Variants in GREB1L observed in about 807,000 individuals in gnomAD.
The protein encoded by GREB1L is GREB1-like protein.
A neutral mutation model predicts 200.8 loss-of-function variants in GREB1L; 17 were observed. The observed-to-expected ratio is 0.08, with a 90% CI of 0.06 to 0.13. The LOEUF (loss-of-function observed/expected upper bound fraction) is 0.13. Ranked by LOEUF, GREB1L falls within the 10% of genes least tolerant of loss-of-function variation. The pLI is 1.00. For synonymous variants in GREB1L, 789 were observed against 893.0 expected (o/e 0.88, Z 2.08); for missense variants, 1,657 against 2,367.7 (o/e 0.70, Z 6.23).
chr18:21,512,971 G>A (rs11083182), intron 27 of GREB1L, among the ~76,000 whole-genome samples: 53,724 of 151,866 alleles, frequency 0.35, 11,742 homozygotes, highest in East Asian at 0.5. Flanking sequence ...TTCATTTTAC[G>A]ATGGCCCACT....
intron 1 of GREB1L, among the ~76,000 whole-genome samples, chr18:21,356,771 C>T (rs2039510725): frequency 6.6e-6 from 1 of 152,146 alleles, no homozygotes; most frequent in South Asian, 2.1e-4. Flanking sequence ...AATGGCTGTA[C>T]CAATTTACAT....
At chr18:21,483,522 C>T (rs1218028009) in intron 17 of GREB1L, among the ~76,000 whole-genome samples, 8 of 152,124 alleles carry the variant, frequency 5.3e-5, no homozygotes, top group Non-Finnish European at 8.8e-5. Flanking sequence ...GAACATATTC[C>T]GGTGCTCTCA....
chr18:21,493,171 C>A (rs2036407681), intron 19 of GREB1L, among the ~76,000 whole-genome samples: 1 of 152,186 alleles, frequency 6.6e-6, no homozygotes, highest in African/African-American at 2.4e-5. Flanking sequence ...ATTGTGCCTT[C>A]TATCTCTACT....
At chr18:21,506,048 G>C in intron 25 of GREB1L, 99 bp downstream of exon 25, 1 of 1,245,146 alleles carries the variant, frequency 8.0e-7, no homozygotes, top group Non-Finnish European at 1.1e-6. Context: ...CCTAGTTTCA[G>C]GCCTCTGGTA....
At chr18:21,404,082 G>C (rs2144577236) in intron 7 of GREB1L, 88 bp downstream of exon 7, 1 of 1,159,256 alleles carries the variant, frequency 8.6e-7, no homozygotes, top group Non-Finnish European at 1.2e-6. Context: ...TGGCTGGTTT[G>C]AATAGAGATA....
intron 10 of GREB1L, among the ~76,000 whole-genome samples, chr18:21,443,468 A>G (rs2034026673): frequency 6.6e-6 from 1 of 152,166 alleles, no homozygotes; most frequent in Non-Finnish European, 1.5e-5. Context: ...GGGCCTCCCA[A>G]AGTGCGGGGA....
chr18:21,257,475 A>G (rs2037819358), intron 1 of GREB1L, among the ~76,000 whole-genome samples: 1 of 152,196 alleles, frequency 6.6e-6, no homozygotes, highest in South Asian at 2.1e-4. Context: ...TATTAAATGG[A>G]CCATTTGCAT....
chr18:21,433,577 G>T (rs147567472), intron 7 of GREB1L, among the ~76,000 whole-genome samples: 1 of 152,166 alleles, frequency 6.6e-6, no homozygotes, highest in Admixed American at 6.5e-5. Flanking sequence ...GTGTGCACTG[G>T]GTCCTTCCAG....
intron 17 of GREB1L, among the ~76,000 whole-genome samples, chr18:21,483,026 CAG>C (rs2035983277): frequency 1.3e-5 from 2 of 152,272 alleles, no homozygotes; most frequent in Middle Eastern, 3.4e-3. Flanking sequence ...TTAATGCAAA[CAG>C]AACAGATGGA....
In GREB1L at chr18:21,399,108, A is replaced by G. The variant is rs1299544543; in HGVS notation, c.533-2042A>G. ...CTTTTCACCTCAGAATAGACAGAGG[A>G]AAAGATCAAACTCAACCTCAGTAGT... On this transcript the variant is annotated intron_variant, in intron 5 of 32. Coordinates refer to ENST00000424526, the MANE Select transcript of GREB1L (RefSeq NM_001142966.3). Among the ~76,000 whole-genome samples, 6 of 152,320 alleles carry G rather than the reference A, an allele frequency of 3.9e-5. No individual in the cohort carries two copies. The South Asian group carries it at 1.2e-3, about 32-fold the overall frequency.
chr18:21,481,677 C>T (rs2035929659), intron 17 of GREB1L, among the ~76,000 whole-genome samples: 1 of 151,938 alleles, frequency 6.6e-6, no homozygotes, highest in South Asian at 2.1e-4. Context: ...TAACACTATT[C>T]TGGCCTTCTG....
chr18:21,412,844 C>T lies in GREB1L; in HGVS notation c.832+8850C>T, dbSNP rs1474207620. Among the ~76,000 whole-genome samples the T allele has an allele frequency of 4.6e-5, 7 of 152,098 alleles. No homozygotes were observed. In the South Asian group the frequency reaches 1.2e-3, roughly 27 times the overall value. Reference sequence around the variant, plus strand: ...AGAATAAAAGGGTGGATTTACCACCCCCCCCCACCACCAAACTACATATAT... The same window carrying T: ...AGAATAAAAGGGTGGATTTACCACCTCCCCCCACCACCAAACTACATATAT... On this transcript the variant is annotated intron_variant, in intron 7 of 32. Transcript: ENST00000424526.
chr18:21,361,150 T>G (rs1329865649), intron 1 of GREB1L, among the ~76,000 whole-genome samples: 10 of 152,196 alleles, frequency 6.6e-5, no homozygotes, highest in Admixed American at 6.5e-4. Context: ...CTGGCTAATG[T>G]GGTCCAAAAC....
At chr18:21,485,376 T>A in intron 17 of GREB1L, 1 of 375,020 alleles carries the variant, frequency 2.7e-6, no homozygotes, top group Non-Finnish European at 4.8e-6. Context: ...ACCATGTGCC[T>A]GAAGGAAGTG....
In GREB1L at chr18:21,384,375, T is replaced by C; in HGVS notation, c.327T>C (p.Pro109=). The change falls in exon 4 of 33, where the codon CCT becomes CCC. Residue 109 remains proline (P), a synonymous_variant. Coordinates refer to ENST00000424526, the MANE Select transcript of GREB1L (RefSeq NM_001142966.3). Reference sequence around the variant, plus strand: ...CACCAATTCCCTATTCACAAAAACCTGCCCCAGAAGGATCTTGCACTACAG... The same window carrying C: ...CACCAATTCCCTATTCACAAAAACCCGCCCCAGAAGGATCTTGCACTACAG... ...NSPPIPYSQK[P]APEGSCTTDG... The C allele has an allele frequency of 6.4e-7, 1 of 1,551,704 alleles. No individual in the cohort carries two copies. Among genetic ancestry groups the C allele is most frequent in the Non-Finnish European group, 8.7e-7 (1 of 1,146,988 alleles).
At chr18:21,308,777 A>T (rs1567931079) in intron 1 of GREB1L, among the ~76,000 whole-genome samples, 1 of 152,202 alleles carries the variant, frequency 6.6e-6, no homozygotes, top group South Asian at 2.1e-4. Context: ...GTGTCCCTAC[A>T]GCTCATGGTG....
chr18:21,421,662 G>A (rs1031506914), intron 7 of GREB1L, among the ~76,000 whole-genome samples: 2 of 152,176 alleles, frequency 1.3e-5, no homozygotes, highest in Admixed American at 6.6e-5. Flanking sequence ...CTGTGTTCTA[G>A]GTTCTGTGCT....
intron 2 of GREB1L, among the ~76,000 whole-genome samples, chr18:21,373,287 T>C (rs2039950163): frequency 6.6e-6 from 1 of 152,200 alleles, no homozygotes; most frequent in Non-Finnish European, 1.5e-5. Context: ...CATGAATTTT[T>C]CATTAGGGGT....
At chr18:21,264,802 T>C (rs575198784) in intron 1 of GREB1L, among the ~76,000 whole-genome samples, 48 of 151,568 alleles carry the variant, frequency 3.2e-4, no homozygotes, top group African/African-American at 1.1e-3. Context: ...CTGCAGAGAG[T>C]TGTTTTGTTT....
Sources: gnomAD v4.1 joint callset for allele counts (sites outside exome capture counted in the v4.1 genomes callset) on GRCh38, gnomAD v4.1.1 for gene constraint, MANE v1.5 for transcripts, NCBI Gene and HGNC (gene_info 2026-07-23, HGNC 2026-07-21) for gene names.